Variants in ZBTB20 observed in about 807,000 individuals in gnomAD.
The protein encoded by ZBTB20 is zinc finger and BTB domain containing 20.
ZBTB20 carries 9 observed loss-of-function variants against 56.9 expected under a neutral mutation model. The ratio of observed to expected loss-of-function variants is 0.16; its 90% CI spans 0.10 to 0.28. The LOEUF is 0.28. ZBTB20 is among the 10% of genes least tolerant of loss of function. The pLI is 1.00. For synonymous variants in ZBTB20, 417 were observed against 420.7 expected, an observed-to-expected ratio of 0.99 and a Z score of 0.11; for missense variants, 655 against 1,003.0, an observed-to-expected ratio of 0.65 and a Z score of 4.69.
At chr3:114,864,802 T>C (rs2075694532) in intron 4 of ZBTB20, among the ~76,000 whole-genome samples, 1 of 152,096 alleles carries the variant, frequency 6.6e-6, no homozygotes, top group Non-Finnish European at 1.5e-5. Flanking sequence ...CTGAAATATA[T>C]GCAATTGGCT....
chr3:114,979,557 ATGAAT>A (rs1553872953), intron 2 of ZBTB20, among the ~76,000 whole-genome samples: 2 of 152,050 alleles, frequency 1.3e-5, no homozygotes, highest in Non-Finnish European at 2.9e-5. Context: ...TGAGTACAAA[ATGAAT>A]AGAAACTGTT....
intron 3 of ZBTB20, among the ~76,000 whole-genome samples, chr3:114,910,964 C>T (rs553418441): frequency 6.6e-6 from 1 of 152,160 alleles, no homozygotes; most frequent in African/African-American, 2.4e-5. Flanking sequence ...GTTCACTAAG[C>T]TTCATGTCTT....
chr3:114,891,514 T>A (rs2076805904), intron 4 of ZBTB20, among the ~76,000 whole-genome samples: 1 of 152,186 alleles, frequency 6.6e-6, no homozygotes. Context: ...TCACTCTTAT[T>A]ACTATTGTGA....
chr3:114,769,831 G>A (rs1160010391), intron 5 of ZBTB20, among the ~76,000 whole-genome samples: 1 of 152,008 alleles, frequency 6.6e-6, no homozygotes, highest in Non-Finnish European at 1.5e-5. Flanking sequence ...GGACGAGGTG[G>A]GTGGATCACT....
intron 5 of ZBTB20, among the ~76,000 whole-genome samples, chr3:114,777,146 C>A (rs1382760424): frequency 6.6e-6 from 1 of 152,022 alleles, no homozygotes; most frequent in African/African-American, 2.4e-5. Context: ...TTTAGCTATT[C>A]AAAGAAAAAT....
At chr3:114,583,518 A>AT (rs1035275035) in intron 6 of ZBTB20, among the ~76,000 whole-genome samples, 4 of 152,200 alleles carry the variant, frequency 2.6e-5, no homozygotes, top group Admixed American at 1.3e-4. Flanking sequence ...CTGATAAAAG[A>AT]TTTTTTATCA....
chr3:114,546,330 C>CGAAT (rs1437959112), intron 6 of ZBTB20, among the ~76,000 whole-genome samples: 2 of 152,110 alleles, frequency 1.3e-5, no homozygotes, highest in African/African-American at 4.8e-5. Flanking sequence ...CTTCCTCTAC[C>CGAAT]GAATGGTGGA....
At position 114,327,121 on chromosome 3, in the gene ZBTB20, A is replaced by C. The variant is rs147501035; in HGVS notation, c.*11884T>G. ...GCTCCTGACAGGTGTCAGCTTGGAA[A>C]GACAGGAGGCTCATAAGCAATAATA... On this transcript the variant is annotated 3_prime_UTR_variant, in exon 12 of 12. Coordinates refer to ENST00000675478, the MANE Select transcript of ZBTB20 (RefSeq NM_001348800.3). 2.0e-5 allele frequency: 3 copies of C among 152,322 alleles called. No homozygotes were observed. The East Asian group carries it at 5.8e-4, about 29-fold the overall frequency. 9.4% of individuals were successfully genotyped at this position (152,322 alleles called of 1,614,324 possible).
At chr3:114,864,001 T>C (rs2075653391) in intron 4 of ZBTB20, among the ~76,000 whole-genome samples, 1 of 151,972 alleles carries the variant, frequency 6.6e-6, no homozygotes, top group African/African-American at 2.4e-5. Flanking sequence ...ACATCCTAAA[T>C]ACATCTTGGC....
At chr3:114,482,758 G>A (rs907268680) in intron 7 of ZBTB20, among the ~76,000 whole-genome samples, 2 of 152,120 alleles carry the variant, frequency 1.3e-5, no homozygotes, top group Admixed American at 6.5e-5. Flanking sequence ...TGTTTGGAAA[G>A]TTATAGACCA....
chr3:114,999,578 T>G (rs1381073125), intron 2 of ZBTB20, among the ~76,000 whole-genome samples: 1 of 151,644 alleles, frequency 6.6e-6, no homozygotes, highest in Non-Finnish European at 1.5e-5. Flanking sequence ...GATACCAATA[T>G]TTTTTCTAAA....
rs763494548 is a variant in ZBTB20 at position 114,337,792 on chromosome 3, C to T, written c.*1213G>A. On this transcript the variant is annotated 3_prime_UTR_variant, in exon 12 of 12. Coordinates refer to ENST00000675478, the MANE Select transcript of ZBTB20 (RefSeq NM_001348800.3). The stretch of plus-strand genomic sequence containing the variant: ...CTGGAAGCAGTATCGCTAACCTTAA[C>T]AGTCTTGACTTACCAAAAAATATAT... The T allele has an allele frequency of 6.6e-5, 10 of 151,982 alleles. No homozygotes were observed. The highest frequency in any genetic ancestry group is 8.8e-5 in the Non-Finnish European group (6 of 68,004). 9.4% of individuals were successfully genotyped at this position (151,982 alleles called of 1,614,324 possible). A position where few individuals can be genotyped will look rare whatever the true frequency, so the allele number is the denominator to read the frequency against.
In ZBTB20 at chr3:114,321,112, ACTGGTATTTAT is replaced by A. The variant is rs2078877580; in HGVS notation, c.*17882_*17892del. ...ACTGGCTGGACACAGGGGAGCTGCT[ACTGGTATTTAT>A]ATTTAATTTGGAGGAATTTCCAGCC... is the stretch of plus-strand genomic sequence containing the variant. On this transcript the variant is annotated 3_prime_UTR_variant, in exon 12 of 12. Coordinates refer to ENST00000675478, the MANE Select transcript of ZBTB20 (RefSeq NM_001348800.3). 1 of 152,252 alleles carries A rather than the reference ACTGGTATTTAT, an allele frequency of 6.6e-6. No individual in the cohort carries two copies. Among genetic ancestry groups the A allele is most frequent in the East Asian group, 1.9e-4 (1 of 5,198 alleles). 9.4% of individuals were successfully genotyped at this position (152,252 alleles called of 1,614,324 possible).
At chr3:114,702,090 C>T (rs1287858386) in intron 5 of ZBTB20, among the ~76,000 whole-genome samples, 5 of 152,036 alleles carry the variant, frequency 3.3e-5, no homozygotes, top group African/African-American at 9.7e-5. Context: ...CCATGGGAGT[C>T]GCTTTGGGAG....
At chr3:114,651,550 TAAAAAAAAAAAAA>T (rs57059379) in intron 6 of ZBTB20, among the ~76,000 whole-genome samples, 3 of 91,416 alleles carry the variant, frequency 3.3e-5, no homozygotes, top group Non-Finnish European at 7.8e-5. Flanking sequence ...GGTTGGATAG[TAAAAAAAAAAAAA>T]AAAAAAAAAG....
rs146334864 is a variant in ZBTB20, at chr3:115,002,276, A to G, written c.-506-27860T>C. Among the ~76,000 whole-genome samples the G allele has an allele frequency of 3.0e-3, 450 of 151,688 alleles. 2 individuals are homozygous for G. Among genetic ancestry groups the G allele is most frequent in the African/African-American group, 0.01 (423 of 41,482 alleles). ...CAATGCAAAACTGTAAAACTTTTAGAAGATAAATAGGAGAACATCTAGTTG... is the reference window on the plus strand; with the variant it reads ...CAATGCAAAACTGTAAAACTTTTAGGAGATAAATAGGAGAACATCTAGTTG... On this transcript the variant is annotated intron_variant, in intron 2 of 11. Coordinates refer to ENST00000675478, the MANE Select transcript of ZBTB20 (RefSeq NM_001348800.3).
intron 4 of ZBTB20, among the ~76,000 whole-genome samples, chr3:114,837,524 C>G (rs2074180851): frequency 6.6e-6 from 1 of 152,034 alleles, no homozygotes; most frequent in Non-Finnish European, 1.5e-5. Flanking sequence ...TCTGAATTCT[C>G]GACTGAAGAG....
intron 6 of ZBTB20, among the ~76,000 whole-genome samples, chr3:114,623,389 G>A (rs2107779998): frequency 6.6e-6 from 1 of 152,254 alleles, no homozygotes; most frequent in African/African-American, 2.4e-5. Flanking sequence ...CTATATTTGG[G>A]TTTAATACTG....
At chr3:114,904,640 T>C (rs571807258) in intron 3 of ZBTB20, among the ~76,000 whole-genome samples, 1 of 152,126 alleles carries the variant, frequency 6.6e-6, no homozygotes, top group African/African-American at 2.4e-5. Context: ...GTGGTTTCTC[T>C]CAACAGAAAG....
Sources: allele counts gnomAD v4.1 joint callset (sites outside exome capture counted in the v4.1 genomes callset), GRCh38; gene constraint gnomAD v4.1.1; transcripts MANE v1.5; gene names NCBI Gene and HGNC (gene_info 2026-07-23, HGNC 2026-07-21).